Variants in MACROD2 observed in about 807,000 individuals in gnomAD.
MACROD2 encodes the protein ADP-ribose glycohydrolase MACROD2.
A neutral mutation model predicts 70.4 loss-of-function variants in MACROD2; 36 were observed. That is an observed-to-expected ratio of 0.51 (90% CI 0.39 to 0.68). The LOEUF is 0.68. MACROD2 is among the 30% of genes least tolerant of loss of function. The pLI, the probability that MACROD2 is intolerant of heterozygous loss-of-function variation, is 0.00. For missense variants in MACROD2, 496 were observed against 538.4 expected (o/e 0.92, Z 0.78); for synonymous variants, 172 against 178.8 (o/e 0.96, Z 0.30).
chr20:14,589,332 A>C (rs1475024407), intron 4 of MACROD2, among the ~76,000 whole-genome samples: 2 of 152,160 alleles, frequency 1.3e-5, no homozygotes, highest in African/African-American at 2.4e-5. Flanking sequence ...TTGCTTTATC[A>C]GTTTTTGAAG....
rs1172385837 is a variant in MACROD2 at position 15,288,863 on chromosome 20, G to GTCTATCTA, written c.540+58805_540+58806insATCTATCT. Among the ~76,000 whole-genome samples the GTCTATCTA allele has an allele frequency of 4.3e-3, 574 of 132,326 alleles. 3 individuals are homozygous for GTCTATCTA. The highest frequency in any genetic ancestry group is 7.0e-3 in the African/African-American group (239 of 33,920). The allele number at this position is 132,326 out of a possible 152,430, so 86.8% of individuals were successfully genotyped here. A position where few individuals can be genotyped will look rare whatever the true frequency, so the allele number is the denominator to read the frequency against. On this transcript the variant is annotated intron_variant, in intron 6 of 17. Coordinates refer to ENST00000684519, the MANE Select transcript of MACROD2 (RefSeq NM_001351661.2). ...TCTCTGTCTCTCTATATGTCTGTCT[G>GTCTATCTA]TCTGTCTATCTATCTATCTATCTAT...
rs553482088 is a variant in MACROD2 at position 15,701,372 on chromosome 20, A to G, written c.646-161373A>G. ...AACAGGGCACTAAAAATTTAGTGAG[A>G]TTTAAAGAAAAGTTATAAGAGAACA... On this transcript the variant is annotated intron_variant, in intron 8 of 17. Transcript: ENST00000684519. 1.1e-4 allele frequency among the ~76,000 whole-genome samples: 16 copies of G among 152,332 alleles called. No homozygotes were observed. In the South Asian group the frequency reaches 2.9e-3, roughly 28 times the overall value.
chr20:14,578,346 T>C (rs1340031283), intron 4 of MACROD2, among the ~76,000 whole-genome samples: 1 of 152,130 alleles, frequency 6.6e-6, no homozygotes, highest in Non-Finnish European at 1.5e-5. Flanking sequence ...ACAGGCGATA[T>C]ACTTTCAGTG....
intron 10 of MACROD2, among the ~76,000 whole-genome samples, chr20:15,897,990 G>A (rs2064999396): frequency 6.6e-6 from 1 of 152,108 alleles, no homozygotes; most frequent in Non-Finnish European, 1.5e-5. Flanking sequence ...TATTACCTTA[G>A]CAATACCTTA....
At chr20:15,772,104 ATATATATAT>A (rs2051644903) in intron 8 of MACROD2, among the ~76,000 whole-genome samples, 1 of 78,188 alleles carries the variant, frequency 1.3e-5, no homozygotes, top group African/African-American at 6.0e-5. Flanking sequence ...AAAAAAAAAT[ATATATATAT>A]ATATATATAT....
At chr20:15,621,792 C>T (rs1335193847) in intron 8 of MACROD2, among the ~76,000 whole-genome samples, 1 of 152,118 alleles carries the variant, frequency 6.6e-6, no homozygotes, top group African/African-American at 2.4e-5. Context: ...CCAGGAGATT[C>T]ACATACCCCA....
intron 5 of MACROD2, among the ~76,000 whole-genome samples, chr20:14,772,229 C>A (rs2072178668): frequency 6.6e-6 from 1 of 151,968 alleles, no homozygotes; most frequent in Non-Finnish European, 1.5e-5. Context: ...TTTCTTTTCA[C>A]TTTCTTCCAT....
chr20:14,882,798 A>G (rs183733855), intron 5 of MACROD2, among the ~76,000 whole-genome samples: 1 of 151,922 alleles, frequency 6.6e-6, no homozygotes, highest in Non-Finnish European at 1.5e-5. Flanking sequence ...TTTTTTAAAA[A>G]TAAAGTTTAG....
intron 5 of MACROD2, among the ~76,000 whole-genome samples, chr20:15,088,683 G>A (rs60918425): frequency 6.6e-5 from 10 of 151,300 alleles, no homozygotes; most frequent in African/African-American, 1.9e-4. Context: ...TGAATTTTTT[G>A]ATTAGACATC....
intron 15 of MACROD2, among the ~76,000 whole-genome samples, chr20:16,031,661 C>T (rs1177967899): frequency 1.3e-5 from 2 of 152,060 alleles, no homozygotes; most frequent in Non-Finnish European, 2.9e-5. Context: ...ATGGCATGCT[C>T]ATCGATATAT....
intron 3 of MACROD2, among the ~76,000 whole-genome samples, chr20:14,093,267 T>G (rs1431255421): frequency 6.6e-6 from 1 of 151,616 alleles, no homozygotes; most frequent in African/African-American, 2.4e-5. Context: ...TTTTTTTTTC[T>G]GTAGAGACAG....
At chr20:15,734,918 A>C (rs1460117773) in intron 8 of MACROD2, among the ~76,000 whole-genome samples, 1 of 152,202 alleles carries the variant, frequency 6.6e-6, no homozygotes, top group Non-Finnish European at 1.5e-5. Flanking sequence ...AACAACAGTA[A>C]AAATGAGAAC....
chr20:14,126,232 C>T (rs1455738937), intron 3 of MACROD2, among the ~76,000 whole-genome samples: 1 of 152,166 alleles, frequency 6.6e-6, no homozygotes, highest in Non-Finnish European at 1.5e-5. Flanking sequence ...GATGGCTGCC[C>T]TCTTGCTATG....
chr20:15,590,772 G>A (rs932687106), intron 8 of MACROD2, among the ~76,000 whole-genome samples: 8 of 151,846 alleles, frequency 5.3e-5, no homozygotes, highest in African/African-American at 1.7e-4. Context: ...CCAGCTACTC[G>A]GGAGGCATGA....
At chr20:14,152,577 C>G (rs932913579) in intron 3 of MACROD2, among the ~76,000 whole-genome samples, 2 of 151,954 alleles carry the variant, frequency 1.3e-5, no homozygotes, top group Non-Finnish European at 2.9e-5. Flanking sequence ...CAGATGTGCA[C>G]CACCATGCCC....
intron 8 of MACROD2, among the ~76,000 whole-genome samples, chr20:15,678,469 C>G (rs2050107712): frequency 1.3e-5 from 2 of 151,984 alleles, no homozygotes; most frequent in South Asian, 2.1e-4. Flanking sequence ...ACGCCATTCT[C>G]CTGCCTCAGC....
At chr20:15,545,857 G>A (rs1020760395) in intron 8 of MACROD2, among the ~76,000 whole-genome samples, 2 of 152,206 alleles carry the variant, frequency 1.3e-5, no homozygotes, top group Non-Finnish European at 2.9e-5. Context: ...AGGGCAGGAT[G>A]TAAGACAGGG....
intron 8 of MACROD2, among the ~76,000 whole-genome samples, chr20:15,735,894 A>T (rs1388663270): frequency 6.6e-6 from 1 of 152,178 alleles, no homozygotes; most frequent in Non-Finnish European, 1.5e-5. Context: ...GGAATACCCC[A>T]AATTCACACA....
intron 5 of MACROD2, among the ~76,000 whole-genome samples, chr20:14,984,873 C>G (rs2074834684): frequency 6.6e-6 from 1 of 152,168 alleles, no homozygotes; most frequent in African/African-American, 2.4e-5. Context: ...TCCACTCCAC[C>G]TCTCAGGCTT....
Sources: gnomAD v4.1 joint callset for allele counts (sites outside exome capture counted in the v4.1 genomes callset) on GRCh38, gnomAD v4.1.1 for gene constraint, MANE v1.5 for transcripts, NCBI Gene and HGNC (gene_info 2026-07-23, HGNC 2026-07-21) for gene names.